Variants in LRRTM2 observed in about 807,000 individuals in gnomAD.
LRRTM2 encodes leucine rich repeat transmembrane neuronal 2, also known as leucine-rich repeat transmembrane neuronal protein 2.
A neutral mutation model predicts 40.7 loss-of-function variants in LRRTM2; 14 were observed. That is an observed-to-expected ratio of 0.34 (90% confidence interval 0.23 to 0.54). The LOEUF is 0.54. LRRTM2 is among the 20% of genes least tolerant of loss of function. The pLI is 0.92. For missense variants in LRRTM2, 468 were observed against 624.4 expected (o/e 0.75, Z 2.67); for synonymous variants, 223 against 237.6 (o/e 0.94, Z 0.57).
rs926246608 is a variant in LRRTM2 at position 138,869,661 on chromosome 5, T to C, written c.*3349A>G. 2.0e-5 allele frequency: 3 copies of C among 152,626 alleles called. No homozygotes were observed. The highest frequency in any genetic ancestry group is 2.9e-5 in the Non-Finnish European group (2 of 68,028). The allele number at this position is 152,626 out of a possible 1,614,324, so 9.5% of individuals were successfully genotyped here. ...TTTAGAATTCAAACCTAGTGCTACATAGGGCTCATTTTTATTGGAAAGATG... is the reference window on the plus strand; with the variant it reads ...TTTAGAATTCAAACCTAGTGCTACACAGGGCTCATTTTTATTGGAAAGATG... On this transcript the variant is annotated 3_prime_UTR_variant, in exon 2 of 2. Coordinates refer to ENST00000274711, the MANE Select transcript of LRRTM2 (RefSeq NM_015564.3).
rs1027604478 is a variant in LRRTM2 at position 138,869,418 on chromosome 5, T to C, written c.*3592A>G. On this transcript the variant is annotated 3_prime_UTR_variant, in exon 2 of 2. Transcript: ENST00000274711. ...GGCTCAAGGGCTTTAGTCAATAAGA[T>C]ATGAAAAGTATGCCCCCAAACAGAC... 6.6e-6 allele frequency: 1 copy of C among 151,650 alleles called. No homozygotes were observed. The highest frequency in any genetic ancestry group is 2.4e-5 in the African/African-American group (1 of 41,272). The allele number at this position is 151,650 out of a possible 1,614,324, so 9.4% of individuals were successfully genotyped here. A position where few individuals can be genotyped will look rare whatever the true frequency, so the allele number is the denominator to read the frequency against.
Position 138,871,491 on chromosome 5 carries a change from G to A in LRRTM2, c.*1519C>T, listed in dbSNP as rs1006450301. 6.6e-6 allele frequency: 1 copy of A among 152,144 alleles called. No homozygotes were observed. Among genetic ancestry groups the A allele is most frequent in the Non-Finnish European group, 1.5e-5 (1 of 68,024 alleles). The allele number at this position is 152,144 out of a possible 1,614,324, so 9.4% of individuals were successfully genotyped here. A position where few individuals can be genotyped will look rare whatever the true frequency, so the allele number is the denominator to read the frequency against. On this transcript the variant is annotated 3_prime_UTR_variant, in exon 2 of 2. Coordinates refer to ENST00000274711, the MANE Select transcript of LRRTM2 (RefSeq NM_015564.3). ...GGTTCTTTTCTGCATGAAAAATGTG[G>A]CATCCTTATCATTTGTTAACTATGG...
rs1009693950 is a variant in LRRTM2 at position 138,873,625 on chromosome 5, C to G, written c.936G>C (p.Leu312=). 1.9e-6 allele frequency: 3 copies of G among 1,614,056 alleles called. No homozygotes were observed. The highest frequency in any genetic ancestry group is 2.5e-6 in the Non-Finnish European group (3 of 1,179,898). ...CACATATTCGGGCGCTGCATTCCCA[C>G]AGATTGCCAGAGAGACCAACGGTTG... ...SLTTVGLSGN[L]WECSARICAL... The change falls in exon 2 of 2, where the codon CTG becomes CTC. Residue 312 remains leucine, a synonymous_variant. Transcript: ENST00000274711. The surrounding 1 kb of genome is among the most constrained non-coding windows in gnomAD (Gnocchi z 6.1).
Position 138,873,263 on chromosome 5 carries a change from G to C in LRRTM2, c.1298C>G (p.Ser433Cys). Residue 433 changes from serine to cysteine, a missense_variant, in exon 2 of 2, where the codon TCT becomes TGT. By Grantham distance (112) the Ser-to-Cys change is moderately radical (BLOSUM62 -1). Transcript: ENST00000274711. This position sits in a 1 kb window ranked among gnomAD's most constrained non-coding sequence, Gnocchi z 6.1. ...VITGTMALLF[S>C]FFFIIFIVFI... is the part of the protein sequence containing the mutation. Reference sequence around the variant, plus strand: ...CACTATAAAAATAATAAAAAAGAAAGAAAACAATAAAGCCATTGTTCCCGT... The same window carrying C: ...CACTATAAAAATAATAAAAAAGAAACAAAACAATAAAGCCATTGTTCCCGT... The C allele has an allele frequency of 6.2e-7, 1 of 1,613,822 alleles. No individual in the cohort carries two copies. Among genetic ancestry groups the C allele is most frequent in the Non-Finnish European group, 8.5e-7 (1 of 1,179,802 alleles).
rs545994986 is a variant in LRRTM2, at chr5:138,873,656, G to T, written c.905C>A (p.Ser302Tyr). The T allele has an allele frequency of 1.4e-5, 23 of 1,614,038 alleles. No homozygotes were observed. The Admixed American group carries it at 2.8e-4, about 20-fold the overall frequency. The change falls in exon 2 of 2, where the codon TCC becomes TAC. Residue 302 changes from serine (S) to tyrosine (Y), a missense_variant. Transcript: ENST00000274711. The surrounding 1 kb of genome is among the most constrained non-coding windows in gnomAD (Gnocchi z 6.1). ...LDSKILNSLR[S>Y]LTTVGLSGNL... ...GCCAGAGAGACCAACGGTTGTGAGG[G>T]ATCTCAGGGAGTTTAAGATCTTGGA...
chr5:138,873,346 A>T lies in LRRTM2; in HGVS notation c.1215T>A (p.Val405=). 6.2e-7 allele frequency: 1 copy of T among 1,614,014 alleles called. No homozygotes were observed. Among genetic ancestry groups the T allele is most frequent in the African/African-American group, 1.3e-5 (1 of 75,074 alleles). The change falls in exon 2 of 2, where the codon GTT becomes GTA. Residue 405 remains valine (V), a synonymous_variant. Transcript: ENST00000274711. This position sits in a 1 kb window ranked among gnomAD's most constrained non-coding sequence, Gnocchi z 6.1. ...KEIPTTAGIA[V]TTEEHFPEPD... ...GTTCAGGAAAGTGTTCCTCGGTAGT[A>T]ACTGCTATGCCTGCAGTAGTTGGGA...
chr5:138,871,681 C>G lies in LRRTM2; in HGVS notation c.*1329G>C, dbSNP rs1210077963. On this transcript the variant is annotated 3_prime_UTR_variant, in exon 2 of 2. Transcript: ENST00000274711. Reference sequence around the variant, plus strand: ...TGCCTTTCCTTTTAATCCCTCACCTCTGTGCTGCCTTCAAGTTACCACTGT... The same window carrying G: ...TGCCTTTCCTTTTAATCCCTCACCTGTGTGCTGCCTTCAAGTTACCACTGT... The G allele has an allele frequency of 6.6e-6, 1 of 152,224 alleles. No homozygotes were observed. The highest frequency in any genetic ancestry group is 1.5e-5 in the Non-Finnish European group (1 of 68,056). 9.4% of individuals were successfully genotyped at this position (152,224 alleles called of 1,614,324 possible).
rs752859035 is a variant in LRRTM2, at chr5:138,873,220, G to A, written c.1341C>T (p.Cys447=). The A allele has an allele frequency of 1.9e-4, 300 of 1,613,804 alleles. No individual in the cohort carries two copies. The highest frequency in any genetic ancestry group is 2.5e-4 in the Non-Finnish European group (293 of 1,179,870). Reference sequence around the variant, plus strand: ...TAATTCTTCTTAAAGTGGGAGGGCAGCACTTCCTGGAGATGAACACTATAA... The same window carrying A: ...TAATTCTTCTTAAAGTGGGAGGGCAACACTTCCTGGAGATGAACACTATAA... ...IIFIVFISRK[C]CPPTLRRIRQ... Residue 447 remains cysteine (C), a synonymous_variant, in exon 2 of 2, where the codon TGC becomes TGT. Coordinates refer to ENST00000274711, the MANE Select transcript of LRRTM2 (RefSeq NM_015564.3). This position sits in a 1 kb window ranked among gnomAD's most constrained non-coding sequence, Gnocchi z 6.1.
rs776502655 is a variant in LRRTM2, at chr5:138,874,020, G to A, written c.541C>T (p.Arg181Cys). The change falls in exon 2 of 2, where the codon CGT (arginine) becomes TGT (cysteine). Residue 181 changes from arginine to cysteine, a missense_variant. Physicochemically the swap from Arg to Cys is radical, Grantham distance 180. Transcript: ENST00000274711. The surrounding 1 kb of genome is among the most constrained non-coding windows in gnomAD (Gnocchi z 4.1). ...CTCAAATCCAGAAACTCCAGACTAC[G>A]ACAGTCCCAGAACAGGCGTACTGGG... ...TIPVRLFWDC[R>C]SLEFLDLSTN... 1.7e-5 allele frequency: 28 copies of A among 1,613,826 alleles called. No homozygotes were observed. The highest frequency in any genetic ancestry group is 2.1e-5 in the Non-Finnish European group (25 of 1,179,892).
rs1249991232 is a variant in LRRTM2, at chr5:138,871,153, G to A, written c.*1857C>T. 6.6e-6 allele frequency: 1 copy of A among 152,150 alleles called. No homozygotes were observed. Among genetic ancestry groups the A allele is most frequent in the African/African-American group, 2.4e-5 (1 of 41,422 alleles). The allele number at this position is 152,150 out of a possible 1,614,324, so 9.4% of individuals were successfully genotyped here. A position where few individuals can be genotyped will look rare whatever the true frequency, so the allele number is the denominator to read the frequency against. ...AAACTATAGCCTTAACATGTTTTCA[G>A]TTTGATCCTGGGAAGAAAAAATATG... is the stretch of plus-strand genomic sequence containing the variant. On this transcript the variant is annotated 3_prime_UTR_variant, in exon 2 of 2. Transcript: ENST00000274711.
chr5:138,874,383 C>G lies in LRRTM2; in HGVS notation c.178G>C (p.Asp60His). The change falls in exon 2 of 2, where the codon GAC becomes CAC. Residue 60 changes from aspartate (D) to histidine (H), a missense_variant. Transcript: ENST00000274711. The surrounding 1 kb of genome is among the most constrained non-coding windows in gnomAD (Gnocchi z 4.1). ...QGFHSVPNAT[D>H]KGSLGLSLRH... ...AGGGACAGGCCCAGAGAGCCCTTGT[C>G]TGTGGCGTTTGGCACTGAGTGGAAG... 1 of 1,614,002 alleles carries G rather than the reference C, an allele frequency of 6.2e-7. No homozygotes were observed. Among genetic ancestry groups the G allele is most frequent in the South Asian group, 1.1e-5 (1 of 91,076 alleles).
In LRRTM2 at chr5:138,872,268, A is replaced by G. The variant is rs1750738589; in HGVS notation, c.*742T>C. 6.6e-6 allele frequency: 1 copy of G among 152,632 alleles called. No homozygotes were observed. The highest frequency in any genetic ancestry group is 2.1e-4 in the South Asian group (1 of 4,828). 9.5% of individuals were successfully genotyped at this position (152,632 alleles called of 1,614,324 possible). On this transcript the variant is annotated 3_prime_UTR_variant, in exon 2 of 2. Transcript: ENST00000274711. The stretch of plus-strand genomic sequence containing the variant: ...CAAAAATCATGTCCATTATAAGTCA[A>G]ACGAGAAATGTATAAGAAGTTGGTG...
rs1375968516 is a variant in LRRTM2 at position 138,869,405 on chromosome 5, T to G, written c.*3605A>C. The stretch of plus-strand genomic sequence containing the variant: ...TTTTTTTTTTCCTGGCTCAAGGGCT[T>G]TAGTCAATAAGATATGAAAAGTATG... On this transcript the variant is annotated 3_prime_UTR_variant, in exon 2 of 2. Transcript: ENST00000274711. 6.6e-6 allele frequency: 1 copy of G among 151,874 alleles called. No individual in the cohort carries two copies. The highest frequency in any genetic ancestry group is 3.2e-3 in the Middle Eastern group (1 of 316). 9.4% of individuals were successfully genotyped at this position (151,874 alleles called of 1,614,324 possible). A position where few individuals can be genotyped will look rare whatever the true frequency, so the allele number is the denominator to read the frequency against.
rs758871244 is a variant in LRRTM2, at chr5:138,869,786, G to T, written c.*3224C>A. The T allele has an allele frequency of 2.6e-5, 4 of 152,582 alleles. No individual in the cohort carries two copies. The highest frequency in any genetic ancestry group is 6.6e-5 in the Admixed American group (1 of 15,266). 9.5% of individuals were successfully genotyped at this position (152,582 alleles called of 1,614,324 possible). A position where few individuals can be genotyped will look rare whatever the true frequency, so the allele number is the denominator to read the frequency against. ...CAATTCCATTTATTGAATTGATACAGAAATTAACTTAGGCACATTAAGAAA... is the reference window on the plus strand; with the variant it reads ...CAATTCCATTTATTGAATTGATACATAAATTAACTTAGGCACATTAAGAAA... On this transcript the variant is annotated 3_prime_UTR_variant, in exon 2 of 2. Coordinates refer to ENST00000274711, the MANE Select transcript of LRRTM2 (RefSeq NM_015564.3).
rs982526700 is a variant in LRRTM2 at position 138,869,631 on chromosome 5, T to C, written c.*3379A>G. 6.6e-6 allele frequency: 1 copy of C among 152,564 alleles called. No homozygotes were observed. Among genetic ancestry groups the C allele is most frequent in the Non-Finnish European group, 1.5e-5 (1 of 68,044 alleles). The allele number at this position is 152,564 out of a possible 1,614,324, so 9.5% of individuals were successfully genotyped here. A position where few individuals can be genotyped will look rare whatever the true frequency, so the allele number is the denominator to read the frequency against. On this transcript the variant is annotated 3_prime_UTR_variant, in exon 2 of 2. Transcript: ENST00000274711. ...CCTTAAGAAAATGAAATGCCTGTTT[T>C]GAATTTTAGAATTCAAACCTAGTGC...
At position 138,871,550 on chromosome 5, in the gene LRRTM2, C is replaced by T. The variant is rs144404597; in HGVS notation, c.*1460G>A. On this transcript the variant is annotated 3_prime_UTR_variant, in exon 2 of 2. Transcript: ENST00000274711. ...TATTTACATTGGAGGATCTACCCCT[C>T]TTCCCTTTTCAGCAGCAGGTCCTTT... 4 of 152,350 alleles carry T rather than the reference C, an allele frequency of 2.6e-5. No homozygotes were observed. The East Asian group carries it at 7.7e-4, about 29-fold the overall frequency. The allele number at this position is 152,350 out of a possible 1,614,324, so 9.4% of individuals were successfully genotyped here.
chr5:138,874,378 C>G lies in LRRTM2; in HGVS notation c.183G>C (p.Lys61Asn), dbSNP rs780779454. The G allele has an allele frequency of 9.3e-6, 15 of 1,613,872 alleles. No individual in the cohort carries two copies. The South Asian group carries it at 9.9e-5, about 11-fold the overall frequency. Residue 61 changes from lysine to asparagine, a missense_variant, in exon 2 of 2, where the codon AAG becomes AAC. Coordinates refer to ENST00000274711, the MANE Select transcript of LRRTM2 (RefSeq NM_015564.3). The surrounding 1 kb of genome is among the most constrained non-coding windows in gnomAD (Gnocchi z 4.1). ...GFHSVPNATD[K>N]GSLGLSLRHN... ...GCCTCAGGGACAGGCCCAGAGAGCC[C>G]TTGTCTGTGGCGTTTGGCACTGAGT...
Position 138,872,795 on chromosome 5 carries a change from G to C in LRRTM2, c.*215C>G, listed in dbSNP as rs1286980565. ...AGTAAGCATTTTAGACTTTCCAACA[G>C]GAGTGCAAATTAATGTGAGCATTGA... On this transcript the variant is annotated 3_prime_UTR_variant, in exon 2 of 2. Coordinates refer to ENST00000274711, the MANE Select transcript of LRRTM2 (RefSeq NM_015564.3). The C allele has an allele frequency of 2.3e-6, 1 of 443,418 alleles. No individual in the cohort carries two copies. Among genetic ancestry groups the C allele is most frequent in the Non-Finnish European group, 4.0e-6 (1 of 252,662 alleles). 27.5% of individuals were successfully genotyped at this position (443,418 alleles called of 1,614,324 possible).
Position 138,874,583 on chromosome 5 carries a change from A to G in LRRTM2, c.5-27T>C. The stretch of plus-strand genomic sequence containing the variant: ...TGCAGAATATAATTTAAGGAAAACA[A>G]GAAGATAGGATATTTTTCAGCAGAA... On this transcript the variant is annotated intron_variant, in intron 1 of 1. Coordinates refer to ENST00000274711, the MANE Select transcript of LRRTM2 (RefSeq NM_015564.3). This position sits in a 1 kb window ranked among gnomAD's most constrained non-coding sequence, Gnocchi z 4.1. 1 of 1,390,156 alleles carries G rather than the reference A, an allele frequency of 7.2e-7. No homozygotes were observed. Among genetic ancestry groups the G allele is most frequent in the Non-Finnish European group, 9.7e-7 (1 of 1,030,278 alleles). 86.1% of individuals were successfully genotyped at this position (1,390,156 alleles called of 1,614,324 possible).
Sources: allele counts gnomAD v4.1 joint callset, GRCh38; gene constraint gnomAD v4.1.1; non-coding constraint Gnocchi (gnomAD v3.1); transcripts MANE v1.5; gene names NCBI Gene and HGNC (gene_info 2026-07-23, HGNC 2026-07-21).